MYO1E: variants seen among roughly 807,000 people sequenced by gnomAD.
The protein encoded by MYO1E is myosin IE.
In MYO1E, 68 loss-of-function variants were observed where a neutral mutation model predicts 151.1. The ratio of observed to expected loss-of-function variants is 0.45; its 90% CI spans 0.37 to 0.55. The LOEUF (loss-of-function observed/expected upper bound fraction) is 0.55, where lower values mean the gene tolerates loss of function less well. MYO1E is among the 20% of genes least tolerant of loss of function. MYO1E has a pLI of 0.00. For missense variants in MYO1E, 1,363 were observed against 1,389.3 expected, an observed-to-expected ratio of 0.98 and a Z score of 0.30; for synonymous variants, 601 against 501.7, an observed-to-expected ratio of 1.20 and a Z score of -2.64.
At chr15:59,273,619 CGG>C (rs2080301117) in intron 1 of MYO1E, among the ~76,000 whole-genome samples, 1 of 84,416 alleles carries the variant, frequency 1.2e-5, no homozygotes, top group Admixed American at 9.2e-5. Flanking sequence ...TAGAATTTGC[CGG>C]AGGAGACCAG....
At chr15:59,186,825 T>C (rs1361209299) in intron 18 of MYO1E, among the ~76,000 whole-genome samples, 4 of 152,234 alleles carry the variant, frequency 2.6e-5, no homozygotes, top group African/African-American at 7.2e-5. Flanking sequence ...TAAATAGATG[T>C]AGAAATACAG....
intron 5 of MYO1E, among the ~76,000 whole-genome samples, chr15:59,233,658 G>A (rs1247369825): frequency 1.4e-4 from 8 of 56,026 alleles, no homozygotes; most frequent in Admixed American, 3.3e-4. Flanking sequence ...GCGAGACTCC[G>A]TCTAAAAAAA....
At chr15:59,191,856 G>A (rs1336911600) in intron 17 of MYO1E, among the ~76,000 whole-genome samples, 6 of 152,180 alleles carry the variant, frequency 3.9e-5, no homozygotes, top group Admixed American at 3.3e-4. Flanking sequence ...TGCAGAGGGA[G>A]TCTTTTTCCA....
intron 1 of MYO1E, among the ~76,000 whole-genome samples, chr15:59,291,316 C>A (rs1363205139): frequency 1.3e-5 from 2 of 152,106 alleles, no homozygotes; most frequent in Non-Finnish European, 2.9e-5. Context: ...CACAGTATTA[C>A]CTCCTAATCA....
chr15:59,226,006 C>G (rs914622206), intron 7 of MYO1E, among the ~76,000 whole-genome samples: 4 of 152,166 alleles, frequency 2.6e-5, no homozygotes, highest in Non-Finnish European at 5.9e-5. Context: ...AGCCTCTATT[C>G]TGGTGGTTTC....
At chr15:59,356,910 GT>G (rs59157262) in intron 1 of MYO1E, among the ~76,000 whole-genome samples, 134,074 of 140,528 alleles carry the variant, frequency 0.95, 64,227 homozygotes, top group East Asian at 1. Flanking sequence ...TTTGTTTTTG[GT>G]TTTTTTTTTT....
chr15:59,334,773 T>C (rs1030785026), intron 1 of MYO1E, among the ~76,000 whole-genome samples: 3 of 152,208 alleles, frequency 2.0e-5, no homozygotes, highest in African/African-American at 7.2e-5. Flanking sequence ...GGGTTCAGCC[T>C]GGCAGGGTCA....
intron 1 of MYO1E, among the ~76,000 whole-genome samples, chr15:59,333,431 T>C (rs1362194011): frequency 3.3e-5 from 5 of 152,134 alleles, no homozygotes; most frequent in African/African-American, 1.2e-4. Flanking sequence ...TTTGTAGAGA[T>C]GGAGTTTTGC....
intron 26 of MYO1E, among the ~76,000 whole-genome samples, chr15:59,144,271 A>G (rs546482572): frequency 5.3e-5 from 8 of 152,076 alleles, no homozygotes; most frequent in African/African-American, 1.9e-4. Flanking sequence ...GGTTCAAGCA[A>G]TTCTCGTGCC....
At chr15:59,243,600 C>T (rs1018038977) in intron 4 of MYO1E, among the ~76,000 whole-genome samples, 1 of 152,034 alleles carries the variant, frequency 6.6e-6, no homozygotes, top group South Asian at 2.1e-4. Flanking sequence ...CCTTTAAGAC[C>T]CTCATATGGG....
At chr15:59,307,648 T>C (rs1337901483) in intron 1 of MYO1E, among the ~76,000 whole-genome samples, 2 of 152,108 alleles carry the variant, frequency 1.3e-5, no homozygotes, top group Non-Finnish European at 2.9e-5. Flanking sequence ...TTCGCTCTTG[T>C]TGCCCAGGCT....
At chr15:59,228,385 G>A (rs925423856) in intron 6 of MYO1E, among the ~76,000 whole-genome samples, 5 of 151,932 alleles carry the variant, frequency 3.3e-5, no homozygotes, top group African/African-American at 9.7e-5. Flanking sequence ...CAGGAGAATC[G>A]CTTGAACCTG....
intron 1 of MYO1E, among the ~76,000 whole-genome samples, chr15:59,332,657 G>T (rs1221181812): frequency 6.6e-6 from 1 of 152,080 alleles, no homozygotes; most frequent in South Asian, 2.1e-4. Flanking sequence ...CTTAGATCAG[G>T]CATTTTTGCT....
chr15:59,308,290 CT>C, intron 1 of MYO1E, among the ~76,000 whole-genome samples: 1 of 140,014 alleles, frequency 7.1e-6, no homozygotes. Context: ...AATCCCAGCA[CT>C]TTGGGAGGCT....
At position 59,214,683 on chromosome 15, in the gene MYO1E, T is replaced by C; in HGVS notation, c.1145A>G (p.Tyr382Cys). 6.2e-7 allele frequency: 1 copy of C among 1,613,952 alleles called. No homozygotes were observed. The change falls in exon 11 of 28, where the codon TAC becomes TGC. Residue 382 changes from tyrosine to cysteine, a missense_variant. Tyr to Cys is a radical substitution (Grantham distance 194). Transcript: ENST00000288235. Reference protein sequence around the residue: ...NKAMEKDHEEYNIGVLDIYGF... With the variant: ...NKAMEKDHEECNIGVLDIYGF... ...ATAGATGTCTAGGACGCCAATGTTG[T>C]ATTCTTCATGGTCTTTCTCCATGGC...
chr15:59,257,267 T>C (rs2080199047), intron 3 of MYO1E, among the ~76,000 whole-genome samples: 1 of 152,144 alleles, frequency 6.6e-6, no homozygotes, highest in Non-Finnish European at 1.5e-5. Context: ...GCAGAAGAGT[T>C]GTTTAACCCT....
intron 1 of MYO1E, among the ~76,000 whole-genome samples, chr15:59,371,951 G>A (rs1343694219): frequency 6.7e-6 from 1 of 149,924 alleles, no homozygotes; most frequent in African/African-American, 2.4e-5. Flanking sequence ...CGCCAAGGCG[G>A]GCCAGGGACC....
At chr15:59,318,579 G>C (rs1440380277) in intron 1 of MYO1E, among the ~76,000 whole-genome samples, 14 of 152,160 alleles carry the variant, frequency 9.2e-5, no homozygotes, top group Admixed American at 8.5e-4. Context: ...TAGAAGACTT[G>C]CATTGCCAGT....
chr15:59,201,867 C>A (rs1300035600), intron 16 of MYO1E, among the ~76,000 whole-genome samples: 1 of 152,110 alleles, frequency 6.6e-6, no homozygotes, highest in African/African-American at 2.4e-5. Flanking sequence ...CAAGGAGAGG[C>A]CTGTAGGACC....
Sources: allele counts gnomAD v4.1 joint callset (sites outside exome capture counted in the v4.1 genomes callset), GRCh38; gene constraint gnomAD v4.1.1; transcripts MANE v1.5; gene names NCBI Gene and HGNC (gene_info 2026-07-23, HGNC 2026-07-21).